Variants in NRG1 observed in about 807,000 individuals in gnomAD.
The protein encoded by NRG1 is neuregulin 1, also known as pro-neuregulin-1, membrane-bound isoform.
In NRG1, 18 loss-of-function variants were observed where a neutral mutation model predicts 63.8. That is an observed-to-expected ratio of 0.28 (90% CI 0.19 to 0.42). NRG1 has a LOEUF of 0.42. Among genes scored for constraint, NRG1 ranks in the 10% least tolerant of loss-of-function variants. The pLI, the probability that NRG1 is intolerant of heterozygous loss-of-function variation, is 1.00. For synonymous variants in NRG1, 302 were observed against 301.3 expected (o/e 1.00, Z -0.02); for missense variants, 762 against 814.7 (o/e 0.94, Z 0.79).
chr8:31,869,417 T>C (rs898648964), intron 1 of NRG1, among the ~76,000 whole-genome samples: 1 of 152,218 alleles, frequency 6.6e-6, no homozygotes, highest in African/African-American at 2.4e-5. Context: ...GAGTCATCTC[T>C]GATGCAGCCT....
At chr8:32,399,933 C>A (rs1323481401) in intron 1 of NRG1, among the ~76,000 whole-genome samples, 1 of 152,100 alleles carries the variant, frequency 6.6e-6, no homozygotes, top group Non-Finnish European at 1.5e-5. Context: ...AGTTTAAGTA[C>A]CTTGCAGACT....
chr8:31,987,331 T>TGTGG, intron 1 of NRG1, among the ~76,000 whole-genome samples: 1 of 146,804 alleles, frequency 6.8e-6, no homozygotes, highest in Non-Finnish European at 1.5e-5. Context: ...TGTGTGTGTG[T>TGTGG]GTGTGTGTGT....
chr8:32,040,641 A>G (rs1034785252), intron 1 of NRG1, among the ~76,000 whole-genome samples: 3 of 147,288 alleles, frequency 2.0e-5, no homozygotes, highest in Non-Finnish European at 3.0e-5. Context: ...ATGTATGTAT[A>G]TATATGTATG....
At chr8:32,501,621 C>T (rs1296785041) in intron 1 of NRG1, among the ~76,000 whole-genome samples, 1 of 152,144 alleles carries the variant, frequency 6.6e-6, no homozygotes, top group Non-Finnish European at 1.5e-5. Flanking sequence ...TAAAACAATA[C>T]TTAGTTATCT....
At chr8:32,565,702 A>C (rs1837318657) in intron 1 of NRG1, among the ~76,000 whole-genome samples, 1 of 152,074 alleles carries the variant, frequency 6.6e-6, no homozygotes. Context: ...GTCCCTGTAG[A>C]TATTTTTCAG....
At position 31,746,502 on chromosome 8, in the gene NRG1, C is replaced by T. The variant is rs147077594; in HGVS notation, c.37+107071C>T. On this transcript the variant is annotated intron_variant, in intron 1 of 10. Coordinates refer to the NRG1 transcript ENST00000519301. ...AAGGAGTTAAAGATGTAGTCCTTAC[C>T]ATTGATTTATTGGAAGCAATAGCAT... 8.6e-5 allele frequency among the ~76,000 whole-genome samples: 13 copies of T among 152,008 alleles called. No individual in the cohort carries two copies. The East Asian group carries it at 2.1e-3, about 25-fold the overall frequency.
intron 1 of NRG1, among the ~76,000 whole-genome samples, chr8:32,286,865 CG>C (rs1853587685): frequency 6.6e-6 from 1 of 152,000 alleles, no homozygotes; most frequent in Admixed American, 6.6e-5. Context: ...GGCATGGTGG[CG>C]GGCACCTGTA....
intron 1 of NRG1, among the ~76,000 whole-genome samples, chr8:32,558,722 C>A (rs1220789663): frequency 2.0e-5 from 3 of 152,160 alleles, no homozygotes; most frequent in Non-Finnish European, 4.4e-5. Context: ...GGATTTGTGT[C>A]TGTGCATTTC....
intron 1 of NRG1, among the ~76,000 whole-genome samples, chr8:32,248,121 A>AT (rs1193594153): frequency 6.6e-6 from 1 of 152,060 alleles, no homozygotes; most frequent in Non-Finnish European, 1.5e-5. Flanking sequence ...AAATGACTCT[A>AT]TTTTTTTCTT....
intron 5 of NRG1, among the ~76,000 whole-genome samples, chr8:32,627,013 C>CT (rs914054614): frequency 6.6e-6 from 1 of 151,110 alleles, no homozygotes; most frequent in African/African-American, 2.4e-5. Context: ...GAGCAACACT[C>CT]TATCTCAAAA....
chr8:32,355,831 C>A (rs944936333), intron 1 of NRG1, among the ~76,000 whole-genome samples: 2 of 152,082 alleles, frequency 1.3e-5, no homozygotes, highest in African/African-American at 4.8e-5. Context: ...TGGGTGATCA[C>A]AAACATAATC....
intron 1 of NRG1, among the ~76,000 whole-genome samples, chr8:32,170,213 G>A (rs945661343): frequency 6.6e-6 from 1 of 152,158 alleles, no homozygotes; most frequent in Non-Finnish European, 1.5e-5. Context: ...GTGATACTCT[G>A]TTACACAAAT....
chr8:32,076,145 A>G (rs1235762892), intron 1 of NRG1, among the ~76,000 whole-genome samples: 2 of 152,152 alleles, frequency 1.3e-5, no homozygotes, highest in African/African-American at 2.4e-5. Flanking sequence ...AGAGTTAGAT[A>G]GCATTTACCA....
chr8:31,943,286 G>A (rs2129621264), intron 1 of NRG1, among the ~76,000 whole-genome samples: 1 of 152,222 alleles, frequency 6.6e-6, no homozygotes, highest in East Asian at 1.9e-4. Context: ...CTCAGGAATG[G>A]AAAACCAAAC....
In NRG1 at chr8:32,701,458, C is replaced by T. The variant is rs529686414; in HGVS notation, c.503-26491C>T. Among the ~76,000 whole-genome samples the T allele has an allele frequency of 6.6e-5, 10 of 152,244 alleles. No homozygotes were observed. In the East Asian group the frequency reaches 1.9e-3, roughly 29 times the overall value. ...CATTGCTCTCCCAGAAGAATAACAACTCAGTGATAGAGGGGCGTAAAGACC... is the reference window on the plus strand; with the variant it reads ...CATTGCTCTCCCAGAAGAATAACAATTCAGTGATAGAGGGGCGTAAAGACC... On this transcript the variant is annotated intron_variant, in intron 5 of 11. Coordinates refer to ENST00000356819, the Ensembl canonical transcript of NRG1.
At chr8:32,049,110 T>A (rs1013142268) in intron 1 of NRG1, among the ~76,000 whole-genome samples, 4 of 152,106 alleles carry the variant, frequency 2.6e-5, no homozygotes, top group African/African-American at 4.8e-5. Flanking sequence ...GATCTGAATT[T>A]AACACTGGAT....
chr8:32,278,591 C>A (rs1852360808), intron 1 of NRG1, among the ~76,000 whole-genome samples: 1 of 150,832 alleles, frequency 6.6e-6, no homozygotes, highest in Admixed American at 6.6e-5. Context: ...GTATTTGCAG[C>A]TCTGCCCATT....
At chr8:32,493,339 G>T (rs1441071580) in intron 1 of NRG1, among the ~76,000 whole-genome samples, 1 of 152,012 alleles carries the variant, frequency 6.6e-6, no homozygotes, top group Non-Finnish European at 1.5e-5. Context: ...CACTCACTGG[G>T]GCATGCTCCC....
intron 1 of NRG1, among the ~76,000 whole-genome samples, chr8:32,037,794 G>A (rs1175842184): frequency 2.0e-5 from 3 of 152,154 alleles, no homozygotes; most frequent in East Asian, 1.9e-4. Flanking sequence ...AGGGAAAAAC[G>A]GCTGACTGGA....
Sources: gnomAD v4.1 joint callset for allele counts (sites outside exome capture counted in the v4.1 genomes callset) on GRCh38, gnomAD v4.1.1 for gene constraint, MANE v1.5 for transcripts, NCBI Gene and HGNC (gene_info 2026-07-23, HGNC 2026-07-21) for gene names.